WFS1: variants seen among roughly 807,000 people sequenced by gnomAD.
WFS1 encodes wolframin ER transmembrane glycoprotein.
WFS1 carries 90 observed loss-of-function variants against 68.5 expected under a neutral mutation model. That is an observed-to-expected ratio of 1.31 (90% CI 1.11 to 1.56). The LOEUF is 1.56. Among genes scored for constraint, WFS1 ranks in the 40% most tolerant of loss-of-function variants. The pLI is 0.00. For synonymous variants in WFS1, 860 were observed against 540.7 expected, an observed-to-expected ratio of 1.59 and a Z score of -8.19; for missense variants, 1,767 against 1,232.6, an observed-to-expected ratio of 1.43 and a Z score of -6.49.
intron 2 of WFS1, 71 bp downstream of exon 2, chr4:6,277,758 AC>A: frequency 1.3e-6 from 2 of 1,520,786 alleles, no homozygotes. Flanking sequence ...GGGTTCAGCC[AC>A]CCCTGGAGGG....
chr4:6,284,964 CTGGGGGGCTGGCAGGGTG>C lies in WFS1; in HGVS notation c.233-2128_233-2111del, dbSNP rs1437469278. Reference sequence around the variant, plus strand: ...GCTGAGCCCGCAGCCAGAAACCACGCTGGGGGGCTGGCAGGGTGACGGCAGCAAGGAAGGAGAACTGTC... The same window carrying C: ...GCTGAGCCCGCAGCCAGAAACCACGCACGGCAGCAAGGAAGGAGAACTGTC... On this transcript the variant is annotated intron_variant, in intron 2 of 7. Transcript: ENST00000226760. Among the ~76,000 whole-genome samples, 17 of 151,398 alleles carry C rather than the reference CTGGGGGGCTGGCAGGGTG, an allele frequency of 1.1e-4. No homozygotes were observed. The South Asian group carries it at 3.7e-3, about 33-fold the overall frequency.
chr4:6,283,875 G>T lies in WFS1; in HGVS notation c.233-3218G>T, dbSNP rs766019597. The stretch of plus-strand genomic sequence containing the variant: ...GAGGTCGAGCACACAGAAAACACGT[G>T]TGTTTGATGGTTCTTGGTGGTCCAC... On this transcript the variant is annotated intron_variant, in intron 2 of 7. Transcript: ENST00000226760. The surrounding 1 kb of genome is among the most constrained non-coding windows in gnomAD (Gnocchi z 5.0). Among the ~76,000 whole-genome samples the T allele has an allele frequency of 4.6e-5, 7 of 152,138 alleles. No homozygotes were observed. Among genetic ancestry groups the T allele is most frequent in the African/African-American group, 1.7e-4 (7 of 41,424 alleles).
At position 6,301,378 on chromosome 4, in the gene WFS1, A is replaced by C. The variant is rs1396020735; in HGVS notation, c.1583A>C (p.Tyr528Ser). 1.2e-6 allele frequency: 2 copies of C among 1,612,474 alleles called. No individual in the cohort carries two copies. The highest frequency in any genetic ancestry group is 1.7e-6 in the Non-Finnish European group (2 of 1,180,004). ...MAQLRNFKGT[Y>S]CYLVPYLVCF... ...CAGCTGAGGAATTTCAAGGGCACCTACTGCTACCTTGTGCCCTACCTGGTG... is the reference window on the plus strand; with the variant it reads ...CAGCTGAGGAATTTCAAGGGCACCTCCTGCTACCTTGTGCCCTACCTGGTG... Residue 528 changes from tyrosine (Y) to serine (S), a missense_variant, in exon 8 of 8, where the codon TAC becomes TCC. Coordinates refer to ENST00000226760, the MANE Select transcript of WFS1 (RefSeq NM_006005.3).
intron 2 of WFS1, among the ~76,000 whole-genome samples, chr4:6,285,849 C>T (rs900743663): frequency 3.9e-5 from 6 of 152,206 alleles, no homozygotes; most frequent in Admixed American, 2.0e-4. Context: ...CAGCCTGTCC[C>T]GTTGTCAGCC....
intron 1 of WFS1, among the ~76,000 whole-genome samples, chr4:6,271,282 G>C (rs1416414039): frequency 1.3e-5 from 2 of 152,182 alleles, no homozygotes; most frequent in Non-Finnish European, 2.9e-5. Flanking sequence ...CTGCTGGTTT[G>C]TCCTCCCTTC....
At chr4:6,281,451 C>T (rs1578588996) in intron 2 of WFS1, among the ~76,000 whole-genome samples, 1 of 152,254 alleles carries the variant, frequency 6.6e-6, no homozygotes, top group Admixed American at 6.5e-5. Context: ...GGATTGTTTA[C>T]ATTAAAGGCC....
chr4:6,292,117 C>A, intron 6 of WFS1, 120 bp downstream of exon 6: 1 of 1,050,374 alleles, frequency 9.5e-7, no homozygotes. Context: ...TCCCAGCCTG[C>A]GCCTGCAGGG....
chr4:6,299,697 GTGAA>G (rs1298183448), intron 7 of WFS1, among the ~76,000 whole-genome samples: 2 of 139,358 alleles, frequency 1.4e-5, no homozygotes, highest in Non-Finnish European at 3.1e-5. Flanking sequence ...TTGCGTGTGT[GTGAA>G]TGTGTGTGTA....
intron 7 of WFS1, among the ~76,000 whole-genome samples, chr4:6,298,999 G>A (rs1038070920): frequency 2.0e-5 from 3 of 152,244 alleles, no homozygotes; most frequent in Non-Finnish European, 2.9e-5. Flanking sequence ...CCCATGTGGG[G>A]CCGCCCCCTA....
intron 2 of WFS1, among the ~76,000 whole-genome samples, chr4:6,280,001 G>C (rs529047113): frequency 6.6e-6 from 1 of 152,380 alleles, no homozygotes; most frequent in East Asian, 1.9e-4. Context: ...GCCTTGGCAA[G>C]TCACCTGCCA....
intron 1 of WFS1, among the ~76,000 whole-genome samples, chr4:6,272,748 G>A (rs574657233): frequency 1.8e-4 from 28 of 152,314 alleles, no homozygotes; most frequent in South Asian, 1.4e-3. Context: ...TTTAGGGGGC[G>A]TTTTCTTCCG....
At position 6,302,801 on chromosome 4, in the gene WFS1, C is replaced by A. The variant is rs111800114; in HGVS notation, c.*333C>A. 8.2e-3 allele frequency: 3,566 copies of A among 435,424 alleles called. 116 individuals carry two copies. Among genetic ancestry groups the A allele is most frequent in the African/African-American group, 0.064 (3,236 of 50,304 alleles). 27.0% of individuals were successfully genotyped at this position (435,424 alleles called of 1,614,324 possible). On this transcript the variant is annotated 3_prime_UTR_variant, in exon 8 of 8. Transcript: ENST00000226760. The stretch of plus-strand genomic sequence containing the variant: ...TACAGATGAGATTCCCTCTCCTCCC[C>A]CACCTTCAAGCACCCTGTTCCCTCT...
At position 6,301,678 on chromosome 4, in the gene WFS1, C is replaced by G. The variant is rs368236000; in HGVS notation, c.1883C>G (p.Thr628Arg). The change falls in exon 8 of 8, where the codon ACG becomes AGG. Residue 628 changes from threonine (T) to arginine (R), a missense_variant. Physicochemically the swap from Thr to Arg is moderately conservative, Grantham distance 71 (BLOSUM62 -1). Coordinates refer to ENST00000226760, the MANE Select transcript of WFS1 (RefSeq NM_006005.3). ...GTGGTGGGGATGGTGAAGTCCCTGACGCGGAGCTCCATGGTCAAGCTCATC... is the reference window on the plus strand; with the variant it reads ...GTGGTGGGGATGGTGAAGTCCCTGAGGCGGAGCTCCATGGTCAAGCTCATC... ...FSVVGMVKSL[T>R]RSSMVKLILV... 5.0e-6 allele frequency: 8 copies of G among 1,613,974 alleles called. No homozygotes were observed. The highest frequency in any genetic ancestry group is 1.3e-5 in the African/African-American group (1 of 74,952).
At position 6,291,262 on chromosome 4, in the gene WFS1, GT is replaced by G; in HGVS notation, c.527del (p.Val176GlyfsTer111). On this transcript the variant is annotated frameshift_variant, in exon 5 of 8. Coordinates refer to ENST00000226760, the MANE Select transcript of WFS1 (RefSeq NM_006005.3). LOFTEE classifies it high-confidence loss of function. The part of the protein sequence containing the change: ...LSSETDLERA[V>X]RKAALVMYWK... ...CTCCGAGACCGACCTGGAGAGGGCC[GT>G]GCGCAAGGCAGCCCTGGTCATGTAC... The G allele has an allele frequency of 6.2e-7, 1 of 1,613,312 alleles. No homozygotes were observed. The highest frequency in any genetic ancestry group is 8.5e-7 in the Non-Finnish European group (1 of 1,180,004).
At position 6,302,398 on chromosome 4, in the gene WFS1, G is replaced by A. The variant is rs56393026; in HGVS notation, c.2603G>A (p.Arg868His). 7.7e-5 allele frequency: 124 copies of A among 1,613,028 alleles called. No individual in the cohort carries two copies. Among genetic ancestry groups the A allele is most frequent in the Middle Eastern group, 4.9e-4 (3 of 6,084 alleles). The change falls in exon 8 of 8, where the codon CGC becomes CAC. Residue 868 changes from arginine to histidine, a missense_variant. Arg to His is a conservative substitution (Grantham distance 29). Coordinates refer to ENST00000226760, the MANE Select transcript of WFS1 (RefSeq NM_006005.3). Reference protein sequence around the residue: ...RRHVKIEHDWRSTVHGAVKFA... With the variant: ...RRHVKIEHDWHSTVHGAVKFA... ...CACGTGAAGATCGAGCACGACTGGCGCAGCACCGTGCATGGCGCCGTGAAG... is the reference window on the plus strand; with the variant it reads ...CACGTGAAGATCGAGCACGACTGGCACAGCACCGTGCATGGCGCCGTGAAG...
In WFS1 at chr4:6,295,064, G is replaced by A; in HGVS notation, c.736G>A (p.Asp246Asn). ...AGCCAAGAACTACATCGCGCTGGAT[G>A]ACTTTGTGGAGATCACTAAGAAGTA... ...SESKNYIALD[D>N]FVEITKKYAK... is the part of the protein sequence containing the mutation. The change falls in exon 7 of 8, where the codon GAC (aspartate) becomes AAC (asparagine). Residue 246 changes from aspartate to asparagine, a missense_variant. Transcript: ENST00000226760. The A allele has an allele frequency of 6.2e-7, 1 of 1,613,608 alleles. No homozygotes were observed. The highest frequency in any genetic ancestry group is 8.5e-7 in the Non-Finnish European group (1 of 1,180,028).
intron 1 of WFS1, among the ~76,000 whole-genome samples, chr4:6,272,361 T>G (rs1477991878): frequency 6.6e-6 from 1 of 152,238 alleles, no homozygotes; most frequent in Non-Finnish European, 1.5e-5. Flanking sequence ...GAATGCTGCT[T>G]GGGGCAGTCC....
chr4:6,296,084 A>G (rs1448457175), intron 7 of WFS1, among the ~76,000 whole-genome samples: 2 of 152,200 alleles, frequency 1.3e-5, no homozygotes, highest in Admixed American at 1.3e-4. Context: ...AACTGCCATC[A>G]TTGTATTCAG....
chr4:6,302,658 A>G lies in WFS1; in HGVS notation c.*190A>G. ...GGAAGGCTGCTGTGTAGCTCTGTCC[A>G]CTCTGAATACCAAGTGTGTTGGGAA... On this transcript the variant is annotated 3_prime_UTR_variant, in exon 8 of 8. Coordinates refer to ENST00000226760, the MANE Select transcript of WFS1 (RefSeq NM_006005.3). The G allele has an allele frequency of 1.3e-6, 1 of 761,072 alleles. No homozygotes were observed. Among genetic ancestry groups the G allele is most frequent in the Non-Finnish European group, 2.1e-6 (1 of 480,002 alleles). 47.1% of individuals were successfully genotyped at this position (761,072 alleles called of 1,614,324 possible).
Sources: gnomAD v4.1 joint callset for allele counts (sites outside exome capture counted in the v4.1 genomes callset) on GRCh38, gnomAD v4.1.1 for gene constraint, Gnocchi (gnomAD v3.1) non-coding constraint, MANE v1.5 for transcripts, NCBI Gene and HGNC (gene_info 2026-07-23, HGNC 2026-07-21) for gene names.